The following STPG4 variants were observed in gnomAD, a reference collection of about 807,000 sequenced individuals.
The protein encoded by STPG4 is protein STPG4.
A neutral mutation model predicts 31.5 loss-of-function variants in STPG4; 41 were observed. The ratio of observed to expected loss-of-function variants is 1.30; its 90% CI spans 1.01 to 1.69. STPG4 has a LOEUF of 1.69. STPG4 is among the 40% of genes most tolerant of loss of function. The probability of loss-of-function intolerance (pLI) is 0.00; values close to 1 mark genes in which losing one functional copy is unlikely to be tolerated. For missense variants in STPG4, 375 were observed against 293.4 expected (o/e 1.28, Z -2.03); for synonymous variants, 141 against 103.0 (o/e 1.37, Z -2.24).
chr2:47,117,924 A>G (rs1237303553), intron 5 of STPG4, among the ~76,000 whole-genome samples: 73 of 89,034 alleles, frequency 8.2e-4, no homozygotes, highest in African/African-American at 3.1e-3. Flanking sequence ...ACATATATAT[A>G]TATATATTTT....
chr2:47,090,377 A>T lies in STPG4; in HGVS notation c.520-3T>A, dbSNP rs143915542. On this transcript the variant is annotated splice_polypyrimidine_tract_variant and splice_region_variant and intron_variant, in intron 5 of 6. Transcript: ENST00000445927. ...TGACCTGGACCAGGGCCTTCATGCT[A>T]TTGAACATTTAAAAAATTGCTTCAT... 5.6e-5 allele frequency: 86 copies of T among 1,539,082 alleles called. No homozygotes were observed. In the East Asian group the frequency reaches 2.0e-3, roughly 35 times the overall value.
Position 47,087,116 on chromosome 2 carries a change from T to C in STPG4, c.639A>G (p.Pro213=), listed in dbSNP as rs1422305469. The part of the protein sequence containing the change: ...FLPSCSKTPG[P]GAYTTLRQFP... ...ATTGTCTTAAAGTTGTATATGCTCC[T>C]GGGCCTGGGGTTTTCTGAAAACAGA... Residue 213 remains proline (P), a synonymous_variant, in exon 7 of 7, where the codon CCA becomes CCG. Coordinates refer to ENST00000445927, the MANE Select transcript of STPG4 (RefSeq NM_001163561.2). 3 of 1,551,684 alleles carry C rather than the reference T, an allele frequency of 1.9e-6. No individual in the cohort carries two copies. Among genetic ancestry groups the C allele is most frequent in the Non-Finnish European group, 2.6e-6 (3 of 1,147,014 alleles).
rs980266830 is a variant in STPG4, at chr2:47,101,018, C to T, written c.520-10644G>A. Among the ~76,000 whole-genome samples, 6 of 151,866 alleles carry T rather than the reference C, an allele frequency of 4.0e-5. 1 individual carries two copies. Among genetic ancestry groups the T allele is most frequent in the African/African-American group, 1.5e-4 (6 of 41,254 alleles). On this transcript the variant is annotated intron_variant, in intron 5 of 6. Coordinates refer to ENST00000445927, the MANE Select transcript of STPG4 (RefSeq NM_001163561.2). ...GATGGGACATTTGCCTATCACCAAGCGGTGAGACAATCGCCAAGCGGTGAG... is the reference window on the plus strand; with the variant it reads ...GATGGGACATTTGCCTATCACCAAGTGGTGAGACAATCGCCAAGCGGTGAG...
intron 5 of STPG4, among the ~76,000 whole-genome samples, chr2:47,119,258 T>C (rs1686213544): frequency 1.3e-5 from 2 of 152,214 alleles, no homozygotes; most frequent in African/African-American, 4.8e-5. Flanking sequence ...CCTTGGAACA[T>C]TTTCCATAAA....
intron 5 of STPG4, among the ~76,000 whole-genome samples, chr2:47,123,694 T>A (rs1218468140): frequency 6.6e-6 from 1 of 150,534 alleles, no homozygotes; most frequent in East Asian, 1.9e-4. Context: ...TCAGATATAC[T>A]TTATGTATAT....
chr2:47,096,484 A>T (rs1460128546), intron 5 of STPG4, among the ~76,000 whole-genome samples: 2 of 152,340 alleles, frequency 1.3e-5, no homozygotes, highest in Non-Finnish European at 2.9e-5. Context: ...AAAAGTGTTA[A>T]CTGGACTGTG....
At chr2:47,152,382 C>T (rs566740206) in intron 2 of STPG4, among the ~76,000 whole-genome samples, 2 of 152,312 alleles carry the variant, frequency 1.3e-5, no homozygotes, top group East Asian at 3.9e-4. Context: ...TTGTGGCCAT[C>T]TTTCCACTGA....
At chr2:47,092,521 C>CAAGAAAAGAAAA (rs148787947) in intron 5 of STPG4, among the ~76,000 whole-genome samples, 99,363 of 117,226 alleles carry the variant, frequency 0.85, 42,630 homozygotes, top group Admixed American at 0.89. Context: ...GAATGAGACC[C>CAAGAAAAGAAAA]AAGAAAAGAA....
intron 5 of STPG4, among the ~76,000 whole-genome samples, chr2:47,100,705 C>T (rs903430260): frequency 6.6e-6 from 1 of 151,694 alleles, no homozygotes; most frequent in Admixed American, 6.6e-5. Flanking sequence ...CAGCTTCACT[C>T]CTGAGGCCAG....
chr2:47,151,361 T>C lies in STPG4; in HGVS notation c.296A>G (p.Tyr99Cys), dbSNP rs1686931950. The C allele has an allele frequency of 5.0e-6, 8 of 1,614,212 alleles. No homozygotes were observed. Among genetic ancestry groups the C allele is most frequent in the Non-Finnish European group, 6.8e-6 (8 of 1,180,038 alleles). Residue 99 changes from tyrosine to cysteine, a missense_variant, in exon 3 of 7, where the codon TAT becomes TGT. Coordinates refer to ENST00000445927, the MANE Select transcript of STPG4 (RefSeq NM_001163561.2). ...NNPVLNDLPQ[Y>C]MPPDFLDLLK... ...CAGGTCCAGGAAGTCAGGAGGCATA[T>C]ACTGCGGAAGATCATTTAGGACTGG...
intron 5 of STPG4, among the ~76,000 whole-genome samples, chr2:47,102,061 T>C (rs80295116): frequency 0.055 from 8,326 of 151,860 alleles, 416 homozygotes; most frequent in African/African-American, 0.11. Flanking sequence ...TCCAACCTTC[T>C]TTGGTCCTCC....
intron 5 of STPG4, among the ~76,000 whole-genome samples, chr2:47,121,843 T>A (rs1686276836): frequency 8.9e-6 from 1 of 112,904 alleles, no homozygotes; most frequent in South Asian, 4.0e-4. Context: ...AATTGCCCTC[T>A]CCTCGTGTGT....
chr2:47,105,690 AACCAT>A (rs1228706653), intron 5 of STPG4, among the ~76,000 whole-genome samples: 10 of 152,078 alleles, frequency 6.6e-5, no homozygotes, highest in Non-Finnish European at 1.3e-4. Flanking sequence ...TTAGTGATGT[AACCAT>A]ACTTGAAAGC....
intron 5 of STPG4, among the ~76,000 whole-genome samples, chr2:47,126,825 A>G (rs914901963): frequency 3.2e-4 from 49 of 152,088 alleles, no homozygotes; most frequent in African/African-American, 1.2e-3. Context: ...GGCACTTTAA[A>G]TATGTCATGC....
At chr2:47,129,817 G>T (rs1686437188) in intron 5 of STPG4, 124 bp downstream of exon 5, 15 of 1,194,848 alleles carry the variant, frequency 1.3e-5, no homozygotes, top group African/African-American at 1.5e-5. Flanking sequence ...TGTGGATAAT[G>T]GTGTTCCTGC....
chr2:47,098,796 C>A (rs1183376897), intron 5 of STPG4, among the ~76,000 whole-genome samples: 1 of 149,188 alleles, frequency 6.7e-6, no homozygotes, highest in Non-Finnish European at 1.5e-5. Flanking sequence ...AGGACAGAAT[C>A]CTGTGTGGAG....
At chr2:47,154,377 T>C (rs553923839) in intron 1 of STPG4, among the ~76,000 whole-genome samples, 1 of 152,304 alleles carries the variant, frequency 6.6e-6, no homozygotes, top group East Asian at 1.9e-4. Context: ...CTCCCACCCC[T>C]ACCCCAGAAT....
At chr2:47,127,424 A>G (rs1432810345) in intron 5 of STPG4, among the ~76,000 whole-genome samples, 1 of 151,984 alleles carries the variant, frequency 6.6e-6, no homozygotes, top group Non-Finnish European at 1.5e-5. Context: ...GTGCACCACC[A>G]CACTCAGATG....
At chr2:47,104,108 A>G (rs1685854306) in intron 5 of STPG4, among the ~76,000 whole-genome samples, 1 of 152,002 alleles carries the variant, frequency 6.6e-6, no homozygotes, top group Non-Finnish European at 1.5e-5. Context: ...AATATGGGGA[A>G]CAAGTTACCC....
Sources: allele counts gnomAD v4.1 joint callset (sites outside exome capture counted in the v4.1 genomes callset), GRCh38; gene constraint gnomAD v4.1.1; transcripts MANE v1.5; gene names NCBI Gene and HGNC (gene_info 2026-07-23, HGNC 2026-07-21).